Variants in COIL observed in about 807,000 individuals in gnomAD.
COIL encodes the protein coilin p80.
A neutral mutation model predicts 51.6 loss-of-function variants in COIL; 28 were observed. The ratio of observed to expected loss-of-function variants is 0.54; its 90% CI spans 0.40 to 0.74. COIL has a LOEUF of 0.74. COIL is among the 30% of genes least tolerant of loss of function. The pLI is 0.00. For synonymous variants in COIL, 233 were observed against 255.8 expected, an observed-to-expected ratio of 0.91 and a Z score of 0.85; for missense variants, 667 against 685.9, an observed-to-expected ratio of 0.97 and a Z score of 0.31.
chr17:56,944,465 G>A (rs549597202), intron 5 of COIL, among the ~76,000 whole-genome samples: 1 of 151,820 alleles, frequency 6.6e-6, no homozygotes, highest in Non-Finnish European at 1.5e-5. Context: ...GGTGGCGGGT[G>A]CCTGTAGTCC....
At chr17:56,949,559 G>GT in intron 3 of COIL, 122 bp downstream of exon 3, 1 of 1,344,960 alleles carries the variant, frequency 7.4e-7, no homozygotes, top group Non-Finnish European at 1.1e-6. Context: ...CCAGGAACCC[G>GT]TAACAACACT....
At position 56,955,401 on chromosome 17, in the gene COIL, T is replaced by C. The variant is rs192463823; in HGVS notation, c.246-4405A>G. On this transcript the variant is annotated intron_variant, in intron 1 of 6. Coordinates refer to ENST00000240316, the MANE Select transcript of COIL (RefSeq NM_004645.3). ...CATTCTAACTCTTTGCAAGGCAAAC[T>C]GAGTGGTATTATCAAAATCTAAGTC... 3.0e-3 allele frequency among the ~76,000 whole-genome samples: 453 copies of C among 152,316 alleles called. 5 individuals are homozygous for C. Among genetic ancestry groups the C allele is most frequent in the African/African-American group, 0.011 (440 of 41,568 alleles).
rs1343675577 is a variant in COIL at position 56,950,494 on chromosome 17, A to G, written c.748T>C (p.Ser250Pro). Reference sequence around the variant, plus strand: ...CTGATAGATTCATCACAAGATTCAGACTCCGAGGAGGAACTGGGACTCTCT... The same window carrying G: ...CTGATAGATTCATCACAAGATTCAGGCTCCGAGGAGGAACTGGGACTCTCT... ...SKESPSSSSE[S>P]ESCDESISDG... The change falls in exon 2 of 7, where the codon TCT (serine) becomes CCT (proline). Residue 250 changes from serine (S) to proline (P), a missense_variant. Transcript: ENST00000240316. The G allele has an allele frequency of 1.9e-6, 3 of 1,613,952 alleles. No individual in the cohort carries two copies. The highest frequency in any genetic ancestry group is 2.2e-5 in the East Asian group (1 of 44,892).
chr17:56,941,705 A>C (rs1357195466), intron 6 of COIL, among the ~76,000 whole-genome samples: 1 of 152,212 alleles, frequency 6.6e-6, no homozygotes, highest in Non-Finnish European at 1.5e-5. Flanking sequence ...GTTCATGTGA[A>C]AGTTGTTCAA....
chr17:56,952,373 T>C (rs756726446), intron 1 of COIL: 8 of 436,870 alleles, frequency 1.8e-5, no homozygotes, highest in South Asian at 7.1e-5. Flanking sequence ...CGAAAACACA[T>C]AGGAAGAAAA....
intron 1 of COIL, among the ~76,000 whole-genome samples, chr17:56,960,128 G>A (rs1381328501): frequency 2.6e-5 from 4 of 152,168 alleles, no homozygotes; most frequent in Admixed American, 2.6e-4. Context: ...GGAGGCTGAG[G>A]TGGGAGGATC....
In COIL at chr17:56,939,012, G is replaced by T; in HGVS notation, c.*59C>A. ...CCTCTTTAAAAAAAAAAAAAAGTTTGGGTTATAGTCACTTTCACAAACAAG... is the reference window on the plus strand; with the variant it reads ...CCTCTTTAAAAAAAAAAAAAAGTTTTGGTTATAGTCACTTTCACAAACAAG... On this transcript the variant is annotated 3_prime_UTR_variant, in exon 7 of 7. Transcript: ENST00000240316. The T allele has an allele frequency of 1.0e-6, 1 of 956,786 alleles. No individual in the cohort carries two copies. The highest frequency in any genetic ancestry group is 2.4e-5 in the Admixed American group (1 of 41,958). 59.3% of individuals were successfully genotyped at this position (956,786 alleles called of 1,614,324 possible). A position where few individuals can be genotyped will look rare whatever the true frequency, so the allele number is the denominator to read the frequency against.
intron 1 of COIL, among the ~76,000 whole-genome samples, chr17:56,953,239 G>A (rs867937779): frequency 7.9e-5 from 12 of 151,812 alleles, no homozygotes; most frequent in East Asian, 5.8e-4. Context: ...GTGAAACCCC[G>A]TCTCTACTAA....
intron 4 of COIL, among the ~76,000 whole-genome samples, chr17:56,947,067 G>T (rs1047153065): frequency 6.6e-6 from 1 of 152,130 alleles, no homozygotes; most frequent in African/African-American, 2.4e-5. Flanking sequence ...ATTTTCTAAT[G>T]CATCAAGAGG....
chr17:56,960,433 A>G (rs901306845), intron 1 of COIL, among the ~76,000 whole-genome samples: 3 of 150,744 alleles, frequency 2.0e-5, no homozygotes, highest in African/African-American at 7.3e-5. Flanking sequence ...CTGAGGCAGG[A>G]AAATTGCTTG....
At chr17:56,939,752 A>G (rs917468567) in intron 6 of COIL, among the ~76,000 whole-genome samples, 2 of 152,114 alleles carry the variant, frequency 1.3e-5, no homozygotes, top group Admixed American at 6.5e-5. Flanking sequence ...GAAAATAAAT[A>G]AATAAATAAA....
At chr17:56,957,991 A>C (rs921898305) in intron 1 of COIL, among the ~76,000 whole-genome samples, 1 of 152,236 alleles carries the variant, frequency 6.6e-6, no homozygotes, top group African/African-American at 2.4e-5. Flanking sequence ...GGATTCCCAC[A>C]ACCTAGTTCC....
At chr17:56,951,087 G>C in intron 1 of COIL, 91 bp from the exon 2 acceptor site, 1 of 1,208,602 alleles carries the variant, frequency 8.3e-7, no homozygotes, top group East Asian at 2.5e-5. Flanking sequence ...TCTACAAAAT[G>C]TAACTACCAT....
rs536667527 is a variant in COIL at position 56,959,662 on chromosome 17, G to A, written c.245+1113C>T. 3.3e-5 allele frequency among the ~76,000 whole-genome samples: 5 copies of A among 152,312 alleles called. No individual in the cohort carries two copies. In the South Asian group the frequency reaches 1.0e-3, roughly 32 times the overall value. On this transcript the variant is annotated intron_variant, in intron 1 of 6. Transcript: ENST00000240316. ...ACTGGGCACATGAGAACTAAGGCTG[G>A]ACAACAGCAGGTTATGAAGAAAACA...
In COIL at chr17:56,960,742, C is replaced by T. The variant is rs1158594502; in HGVS notation, c.245+33G>A. ...CGCAGGCGCGTCCCCCGCCCGCCGC[C>T]CACCCGGCCGTCCCGCTCCCTGCGC... On this transcript the variant is annotated intron_variant, in intron 1 of 6. Transcript: ENST00000240316. 7 of 1,482,402 alleles carry T rather than the reference C, an allele frequency of 4.7e-6. No homozygotes were observed. In the Admixed American group the frequency reaches 7.7e-5, roughly 16 times the overall value. The allele number at this position is 1,482,402 out of a possible 1,614,324, so 91.8% of individuals were successfully genotyped here.
chr17:56,960,172 T>C (rs1398471077), intron 1 of COIL, among the ~76,000 whole-genome samples: 62 of 131,654 alleles, frequency 4.7e-4, no homozygotes, highest in East Asian at 9.6e-4. Flanking sequence ...TGCAGTGAGC[T>C]GAGATCGCGC....
chr17:56,959,658 G>A (rs1013024962), intron 1 of COIL, among the ~76,000 whole-genome samples: 2 of 152,184 alleles, frequency 1.3e-5, no homozygotes, highest in Non-Finnish European at 2.9e-5. Context: ...GAGAACTAAG[G>A]CTGGACAACA....
At chr17:56,951,088 TA>T in intron 1 of COIL, 92 bp from the exon 2 acceptor site, 7 of 1,207,802 alleles carry the variant, frequency 5.8e-6, no homozygotes, top group Non-Finnish European at 6.7e-6. Flanking sequence ...CTACAAAATG[TA>T]ACTACCATCA....
intron 1 of COIL, among the ~76,000 whole-genome samples, chr17:56,954,725 T>C (rs1372915272): frequency 6.6e-6 from 1 of 151,658 alleles, no homozygotes; most frequent in Non-Finnish European, 1.5e-5. Flanking sequence ...TAATCCCAGC[T>C]ACTCAGGAGG....
Sources: allele counts gnomAD v4.1 joint callset (sites outside exome capture counted in the v4.1 genomes callset), GRCh38; gene constraint gnomAD v4.1.1; transcripts MANE v1.5; gene names NCBI Gene and HGNC (gene_info 2026-07-23, HGNC 2026-07-21).